NIM1K: variants seen among roughly 807,000 people sequenced by gnomAD.
The protein encoded by NIM1K is serine/threonine-protein kinase NIM1.
Under a neutral mutation model 37.1 loss-of-function variants are expected in NIM1K, and 35 were observed. The observed-to-expected ratio is 0.94, with a 90% CI of 0.72 to 1.25. NIM1K has a LOEUF of 1.25. Among genes scored for constraint, NIM1K ranks in the 50% most tolerant of loss-of-function variants. NIM1K has a pLI of 0.00. For missense variants in NIM1K, 564 were observed against 548.0 expected, an observed-to-expected ratio of 1.03 and a Z score of -0.29; for synonymous variants, 234 against 206.6, an observed-to-expected ratio of 1.13 and a Z score of -1.14.
chr5:43,218,387 T>C (rs1752333744), intron 1 of NIM1K, among the ~76,000 whole-genome samples: 1 of 152,198 alleles, frequency 6.6e-6, no homozygotes, highest in African/African-American at 2.4e-5. Flanking sequence ...GACTGGATAA[T>C]TTATAAACAG....
chr5:43,264,407 G>C (rs1753088183), intron 2 of NIM1K, among the ~76,000 whole-genome samples: 1 of 152,182 alleles, frequency 6.6e-6, no homozygotes, highest in South Asian at 2.1e-4. Context: ...ATCTTTGTTA[G>C]TTTAAAGTCT....
intron 1 of NIM1K, among the ~76,000 whole-genome samples, chr5:43,195,858 C>A (rs1383869815): frequency 1.3e-5 from 2 of 152,016 alleles, no homozygotes; most frequent in Non-Finnish European, 1.5e-5. Context: ...AAGGAGAAAG[C>A]AGATTAATAG....
intron 2 of NIM1K, among the ~76,000 whole-genome samples, chr5:43,264,285 T>A (rs1450217797): frequency 1.3e-5 from 2 of 152,158 alleles, no homozygotes; most frequent in Non-Finnish European, 2.9e-5. Flanking sequence ...TATGGACTTG[T>A]TTTATGAATC....
intron 2 of NIM1K, among the ~76,000 whole-genome samples, chr5:43,266,497 C>G (rs1433760378): frequency 6.6e-6 from 1 of 152,118 alleles, no homozygotes; most frequent in Non-Finnish European, 1.5e-5. Context: ...GGGAGTGTCC[C>G]GATTTTCCAG....
chr5:43,230,205 T>C (rs920435220), intron 1 of NIM1K, among the ~76,000 whole-genome samples: 5 of 151,790 alleles, frequency 3.3e-5, no homozygotes, highest in African/African-American at 1.2e-4. Flanking sequence ...ATATACAAGG[T>C]AGCAATCCTG....
chr5:43,207,171 T>G (rs1752128408), intron 1 of NIM1K: 1 of 738,332 alleles, frequency 1.4e-6, no homozygotes, highest in African/African-American at 1.7e-5. Flanking sequence ...TTTGGAAATA[T>G]TCTCATCCTG....
chr5:43,204,489 G>A lies in NIM1K; in HGVS notation c.-695+12078G>A, dbSNP rs572584985. 6.2e-3 allele frequency among the ~76,000 whole-genome samples: 900 copies of A among 144,966 alleles called. 4 individuals are homozygous for A. Among genetic ancestry groups the A allele is most frequent in the Non-Finnish European group, 0.011 (726 of 65,796 alleles). On this transcript the variant is annotated intron_variant, in intron 1 of 3. Coordinates refer to ENST00000326035, the MANE Select transcript of NIM1K (RefSeq NM_153361.4). ...GGCCGAGGCGGGTGGATCACCTGAG[G>A]TCAGGAGTTCAAGACCAGCCTGGCC... is the stretch of plus-strand genomic sequence containing the variant.
chr5:43,216,190 G>T (rs78830331), intron 1 of NIM1K, among the ~76,000 whole-genome samples: 22 of 152,132 alleles, frequency 1.4e-4, no homozygotes, highest in Non-Finnish European at 4.4e-5. Context: ...ACTAAATAAG[G>T]CTTTTTCTGA....
rs370437174 is a variant in NIM1K at position 43,214,538 on chromosome 5, G to A, written c.-695+22127G>A. ...CTCTCAGAAATGTGCCCATTTTGCC[G>A]GGCGCGGTGGCTTACGCCTGTAATC... is the stretch of plus-strand genomic sequence containing the variant. On this transcript the variant is annotated intron_variant, in intron 1 of 3. Transcript: ENST00000326035. Among the ~76,000 whole-genome samples the A allele has an allele frequency of 2.5e-3, 375 of 152,206 alleles. 3 individuals are homozygous for A. The highest frequency in any genetic ancestry group is 8.6e-3 in the African/African-American group (359 of 41,540).
At chr5:43,216,204 C>A (rs1752297881) in intron 1 of NIM1K, among the ~76,000 whole-genome samples, 2 of 151,988 alleles carry the variant, frequency 1.3e-5, no homozygotes, top group Non-Finnish European at 2.9e-5. Flanking sequence ...TTTCTGAAGA[C>A]CCCAGGCATG....
intron 1 of NIM1K, among the ~76,000 whole-genome samples, chr5:43,230,313 T>C (rs775504842): frequency 7.2e-5 from 11 of 152,108 alleles, no homozygotes; most frequent in Non-Finnish European, 1.3e-4. Context: ...AGGTGGCTGT[T>C]TCCATTTACC....
At chr5:43,228,895 G>A (rs972168352) in intron 1 of NIM1K, among the ~76,000 whole-genome samples, 1 of 151,906 alleles carries the variant, frequency 6.6e-6, no homozygotes, top group Non-Finnish European at 1.5e-5. Flanking sequence ...AAAGCAAAAC[G>A]AATTTTACTG....
At chr5:43,279,908 A>G in intron 3 of NIM1K, 72 bp from the exon 4 acceptor site, 2 of 1,239,248 alleles carry the variant, frequency 1.6e-6, no homozygotes, top group Non-Finnish European at 1.2e-6. Context: ...TCACTGTTTC[A>G]GAGCAACTGA....
intron 1 of NIM1K, among the ~76,000 whole-genome samples, chr5:43,220,234 A>C (rs1272079183): frequency 6.6e-6 from 1 of 151,648 alleles, no homozygotes; most frequent in Non-Finnish European, 1.5e-5. Context: ...ATCTTGAATT[A>C]AATTTTGTTT....
Position 43,198,139 on chromosome 5 carries a change from C to A in NIM1K, c.-695+5728C>A, listed in dbSNP as rs184830652. On this transcript the variant is annotated intron_variant, in intron 1 of 3. Coordinates refer to ENST00000326035, the MANE Select transcript of NIM1K (RefSeq NM_153361.4). ...CGCACCTGGCCAATATGATTTCTTT[C>A]TTTCTTTCTTTCTTTCTTTCTTTCT... Among the ~76,000 whole-genome samples the A allele has an allele frequency of 4.7e-3, 189 of 40,510 alleles. 2 individuals are homozygous for A. Among genetic ancestry groups the A allele is most frequent in the African/African-American group, 0.014 (161 of 11,526 alleles). 26.6% of individuals were successfully genotyped at this position (40,510 alleles called of 152,430 possible).
chr5:43,264,738 T>C (rs536932101), intron 2 of NIM1K, among the ~76,000 whole-genome samples: 21 of 152,344 alleles, frequency 1.4e-4, no homozygotes, highest in African/African-American at 5.0e-4. Context: ...CAATTTGGCA[T>C]GTTTTTGCAG....
At chr5:43,214,266 C>G (rs1478048384) in intron 1 of NIM1K, among the ~76,000 whole-genome samples, 1 of 152,066 alleles carries the variant, frequency 6.6e-6, no homozygotes, top group Non-Finnish European at 1.5e-5. Flanking sequence ...AGCCCTTAAA[C>G]CAAGAAAATC....
rs374872461 is a variant in NIM1K at position 43,277,225 on chromosome 5, G to C, written c.461G>C (p.Gly154Ala). The C allele has an allele frequency of 3.0e-5, 49 of 1,614,050 alleles. No homozygotes were observed. The African/African-American group carries it at 4.4e-4, about 14-fold the overall frequency. Residue 154 changes from glycine to alanine, a missense_variant, in exon 3 of 4, where the codon GGG (glycine) becomes GCG (alanine). Coordinates refer to ENST00000326035, the MANE Select transcript of NIM1K (RefSeq NM_153361.4). ...SKLHLVMEYA[G>A]GGELFGKIST... ...CTGCACTTGGTGATGGAGTATGCAG[G>C]GGGTGGGGAGCTCTTCGGAAAAATT...
intron 1 of NIM1K, chr5:43,232,683 C>T: frequency 1.3e-6 from 2 of 1,502,684 alleles, no homozygotes; most frequent in South Asian, 2.5e-5. Flanking sequence ...GCTTGGACTT[C>T]TTGCCGTAAT....
Sources: gnomAD v4.1 joint callset for allele counts (sites outside exome capture counted in the v4.1 genomes callset) on GRCh38, gnomAD v4.1.1 for gene constraint, MANE v1.5 for transcripts, NCBI Gene and HGNC (gene_info 2026-07-23, HGNC 2026-07-21) for gene names.